OR9Q1: variants seen among roughly 807,000 people sequenced by gnomAD.
OR9Q1 encodes olfactory receptor family 9 subfamily Q member 1.
For synonymous variants in OR9Q1, 153 were observed against 148.6 expected (o/e 1.03, Z -0.22); for missense variants, 374 against 378.8 (o/e 0.99, Z 0.11).
At chr11:58,043,606 C>T in intron 1 of OR9Q1, among the ~76,000 whole-genome samples, 1 of 152,144 alleles carries the variant, frequency 6.6e-6, no homozygotes, top group Admixed American at 6.5e-5. Context: ...GCTTTCATGC[C>T]TTTACTATAA....
intron 2 of OR9Q1, among the ~76,000 whole-genome samples, chr11:58,174,094 C>T (rs953702248): frequency 1.3e-5 from 2 of 152,162 alleles, no homozygotes; most frequent in African/African-American, 4.8e-5. Flanking sequence ...AAATAAACTT[C>T]ACTCCTCTCC....
intron 2 of OR9Q1, among the ~76,000 whole-genome samples, chr11:58,138,266 G>A (rs1393359510): frequency 1.3e-5 from 2 of 152,334 alleles, no homozygotes; most frequent in African/African-American, 4.8e-5. Flanking sequence ...AGCTGGGGCT[G>A]CCTGAGGCTG....
chr11:58,062,133 T>C (rs1423330649), intron 2 of OR9Q1, among the ~76,000 whole-genome samples: 1 of 152,092 alleles, frequency 6.6e-6, no homozygotes, highest in Non-Finnish European at 1.5e-5. Context: ...GTGACCAACA[T>C]TGTGTTGGCT....
At position 58,103,251 on chromosome 11, in the gene OR9Q1, A is replaced by G. The variant is rs555985059; in HGVS notation, c.-15+47304A>G. ...TGAAGAGGAGGAAGCCCCTTATAAAACTATCTGATCTCATGATAATTCACT... is the reference window on the plus strand; with the variant it reads ...TGAAGAGGAGGAAGCCCCTTATAAAGCTATCTGATCTCATGATAATTCACT... On this transcript the variant is annotated intron_variant, in intron 2 of 2. Coordinates refer to ENST00000335397, the MANE Select transcript of OR9Q1 (RefSeq NM_001005212.4). Among the ~76,000 whole-genome samples, 7 of 152,166 alleles carry G rather than the reference A, an allele frequency of 4.6e-5. No homozygotes were observed. In the South Asian group the frequency reaches 1.5e-3, roughly 32 times the overall value.
chr11:58,156,395 T>A (rs1831277159), intron 2 of OR9Q1, among the ~76,000 whole-genome samples: 1 of 152,232 alleles, frequency 6.6e-6, no homozygotes, highest in Non-Finnish European at 1.5e-5. Flanking sequence ...ACAGTCCTTA[T>A]GTCCATTCAT....
At chr11:58,053,615 A>ATATATATATAAAATATATATATAT (rs1554965487) in intron 1 of OR9Q1, among the ~76,000 whole-genome samples, 5 of 26,084 alleles carry the variant, frequency 1.9e-4, no homozygotes, top group Non-Finnish European at 3.1e-4. Context: ...ATTAAAAAAT[A>ATATATATATAAAATATATATATAT]TATATATATA....
intron 2 of OR9Q1, among the ~76,000 whole-genome samples, chr11:58,142,688 T>A (rs1459962455): frequency 6.6e-6 from 1 of 152,200 alleles, no homozygotes; most frequent in African/African-American, 2.4e-5. Context: ...GAAGTCCACA[T>A]TCACTATGTT....
chr11:58,114,144 C>T (rs879479438), intron 2 of OR9Q1, among the ~76,000 whole-genome samples: 2 of 152,176 alleles, frequency 1.3e-5, no homozygotes, highest in Non-Finnish European at 2.9e-5. Context: ...TAGTTTTACA[C>T]AGCATTGCTG....
chr11:58,120,432 T>C (rs1026058698), intron 2 of OR9Q1, among the ~76,000 whole-genome samples: 1 of 152,102 alleles, frequency 6.6e-6, no homozygotes, highest in Non-Finnish European at 1.5e-5. Context: ...AAATTTATTA[T>C]CTTTTTTTGA....
At chr11:58,098,603 C>T (rs895957660) in intron 2 of OR9Q1, among the ~76,000 whole-genome samples, 4 of 152,146 alleles carry the variant, frequency 2.6e-5, no homozygotes, top group African/African-American at 9.7e-5. Context: ...CACTGCACTC[C>T]AGCCTGGGCG....
In OR9Q1 at chr11:58,053,624, TATAAAATA is replaced by T. The variant is rs1205858854; in HGVS notation, c.-92-2245_-92-2238del. Among the ~76,000 whole-genome samples the T allele has an allele frequency of 4.6e-5, 5 of 109,636 alleles. 1 individual carries two copies. The highest frequency in any genetic ancestry group is 1.7e-4 in the African/African-American group (4 of 23,032). The allele number at this position is 109,636 out of a possible 152,430, so 71.9% of individuals were successfully genotyped here. A position where few individuals can be genotyped will look rare whatever the true frequency, so the allele number is the denominator to read the frequency against. On this transcript the variant is annotated intron_variant, in intron 1 of 2. Coordinates refer to ENST00000335397, the MANE Select transcript of OR9Q1 (RefSeq NM_001005212.4). The stretch of plus-strand genomic sequence containing the variant: ...AATAAAATTAAAAAATATATATATA[TATAAAATA>T]TATATATATATAAATTATATATATA...
chr11:58,121,894 G>T (rs1854036418), intron 2 of OR9Q1, among the ~76,000 whole-genome samples: 1 of 152,102 alleles, frequency 6.6e-6, no homozygotes, highest in Non-Finnish European at 1.5e-5. Context: ...AAGTTGACTT[G>T]ATTGATATTG....
intron 2 of OR9Q1, among the ~76,000 whole-genome samples, chr11:58,119,914 C>A (rs1292995528): frequency 2.0e-5 from 3 of 152,256 alleles, no homozygotes; most frequent in Non-Finnish European, 4.4e-5. Context: ...TTTACCCCTT[C>A]TAGATACAGC....
At chr11:58,061,259 T>C (rs1276035683) in intron 2 of OR9Q1, among the ~76,000 whole-genome samples, 1 of 152,140 alleles carries the variant, frequency 6.6e-6, no homozygotes, top group Non-Finnish European at 1.5e-5. Context: ...TGGCCCTATA[T>C]TGGGCAAAAT....
intron 2 of OR9Q1, among the ~76,000 whole-genome samples, chr11:58,136,163 T>C (rs1854187582): frequency 6.6e-6 from 1 of 152,148 alleles, no homozygotes; most frequent in South Asian, 2.1e-4. Context: ...AGGTAACTAA[T>C]GTGGGGGAAA....
At chr11:58,170,520 T>C (rs1292220378) in intron 2 of OR9Q1, among the ~76,000 whole-genome samples, 1 of 152,164 alleles carries the variant, frequency 6.6e-6, no homozygotes, top group Non-Finnish European at 1.5e-5. Context: ...AATGATCATT[T>C]CTTTAATGCA....
chr11:58,042,432 G>A (rs182201193), intron 1 of OR9Q1, among the ~76,000 whole-genome samples: 2,090 of 151,836 alleles, frequency 0.014, 38 homozygotes, highest in African/African-American at 0.047. Context: ...TTTTTCTCAG[G>A]TTTGTCAAAG....
At chr11:58,053,632 A>ATATATATATAAAAATTATATATATAT (rs1554965507) in intron 1 of OR9Q1, among the ~76,000 whole-genome samples, 2 of 118,682 alleles carry the variant, frequency 1.7e-5, no homozygotes, top group Non-Finnish European at 3.5e-5. Context: ...TATATAAAAT[A>ATATATATATAAAAATTATATATATAT]TATATATATA....
Position 58,037,689 on chromosome 11 carries a change from ATTTTTTTTTTTTTTTTTTTTTTTTTT to A in OR9Q1, c.-93+13607_-93+13632del, listed in dbSNP as rs554392577. Among the ~76,000 whole-genome samples, 4 of 6,998 alleles carry A rather than the reference ATTTTTTTTTTTTTTTTTTTTTTTTTT, an allele frequency of 5.7e-4. 1 individual carries two copies. Among genetic ancestry groups the A allele is most frequent in the Admixed American group, 6.1e-3 (2 of 326 alleles). The allele number at this position is 6,998 out of a possible 152,430, so 4.6% of individuals were successfully genotyped here. On this transcript the variant is annotated intron_variant, in intron 1 of 2. Transcript: ENST00000335397. The stretch of plus-strand genomic sequence containing the variant: ...TATATATATATATATATATATATAT[ATTTTTTTTTTTTTTTTTTTTTTTTTT>A]TTTTTTTTTTTTTTTTTTTTTGAGA...
Sources: gnomAD v4.1 joint callset for allele counts (sites outside exome capture counted in the v4.1 genomes callset) on GRCh38, gnomAD v4.1.1 for gene constraint, MANE v1.5 for transcripts, NCBI Gene and HGNC (gene_info 2026-07-23, HGNC 2026-07-21) for gene names.